The following GPR158 variants were observed in gnomAD, a reference collection of about 807,000 sequenced individuals.
The protein encoded by GPR158 is metabotropic glycine receptor.
GPR158 carries 30 observed loss-of-function variants against 78.2 expected under a neutral mutation model. That is an observed-to-expected ratio of 0.38 (90% CI 0.29 to 0.52). The LOEUF (loss-of-function observed/expected upper bound fraction) is 0.52, where lower values mean the gene tolerates loss of function less well. Among genes scored for constraint, GPR158 ranks in the 20% least tolerant of loss-of-function variants. The pLI, the probability that GPR158 is intolerant of heterozygous loss-of-function variation, is 0.83. For missense variants in GPR158, 1,463 were observed against 1,523.5 expected, an observed-to-expected ratio of 0.96 and a Z score of 0.66; for synonymous variants, 581 against 591.1, an observed-to-expected ratio of 0.98 and a Z score of 0.25.
chr10:25,574,575 A>AAGAAC (rs1347726139), intron 7 of GPR158, among the ~76,000 whole-genome samples: 4 of 152,164 alleles, frequency 2.6e-5, no homozygotes, highest in African/African-American at 9.7e-5. Context: ...AAGAGGTGTA[A>AAGAAC]AGAACATTCA....
In GPR158 at chr10:25,374,154, T is replaced by G. The variant is rs547327537; in HGVS notation, c.1009-21757T>G. 7.2e-5 allele frequency among the ~76,000 whole-genome samples: 11 copies of G among 151,842 alleles called. No individual in the cohort carries two copies. The East Asian group carries it at 2.1e-3, about 29-fold the overall frequency. ...TTTGTTACTCATAAATGTGTCGTCG[T>G]GAAATGCCACTCTATTTCTTAGATT... On this transcript the variant is annotated intron_variant, in intron 2 of 10. Coordinates refer to ENST00000376351, the MANE Select transcript of GPR158 (RefSeq NM_020752.3).
At chr10:25,590,063 G>C (rs563370840) in intron 8 of GPR158, among the ~76,000 whole-genome samples, 1 of 152,246 alleles carries the variant, frequency 6.6e-6, no homozygotes, top group East Asian at 1.9e-4. Context: ...CTGGAGATCA[G>C]TGAGAATGGA....
intron 2 of GPR158, among the ~76,000 whole-genome samples, chr10:25,222,297 A>G (rs1853309873): frequency 6.6e-6 from 1 of 151,546 alleles, no homozygotes; most frequent in African/African-American, 2.4e-5. Context: ...CACTCTCCAC[A>G]GCATCCCTCA....
intron 4 of GPR158, among the ~76,000 whole-genome samples, chr10:25,420,728 TC>T (rs1233419458): frequency 6.6e-6 from 1 of 152,190 alleles, no homozygotes; most frequent in African/African-American, 2.4e-5. Flanking sequence ...CATAGTCCTT[TC>T]CCTGTAGAGT....
chr10:25,430,430 T>C (rs1318510421), intron 4 of GPR158, among the ~76,000 whole-genome samples: 2 of 150,506 alleles, frequency 1.3e-5, no homozygotes, highest in Non-Finnish European at 1.5e-5. Flanking sequence ...AAAATGGCCA[T>C]ACTTCCCAAG....
intron 9 of GPR158, 99 bp from the exon 10 acceptor site, chr10:25,596,542 GAT>G: frequency 6.6e-6 from 5 of 751,894 alleles, no homozygotes; most frequent in Non-Finnish European, 1.1e-5. Context: ...TCTAGGTATA[GAT>G]ATAGATACCT....
At chr10:25,540,951 T>A (rs11014596) in intron 5 of GPR158, among the ~76,000 whole-genome samples, 48 of 43,238 alleles carry the variant, frequency 1.1e-3, no homozygotes, top group African/African-American at 4.0e-3. Context: ...TAAAAATATA[T>A]ATATATATAT....
chr10:25,186,778 G>A (rs1256354018), intron 1 of GPR158, among the ~76,000 whole-genome samples: 3 of 151,840 alleles, frequency 2.0e-5, no homozygotes, highest in African/African-American at 4.9e-5. Context: ...ATTCACAGCC[G>A]AATTCTACCA....
chr10:25,477,194 T>C (rs953106811), intron 5 of GPR158, among the ~76,000 whole-genome samples: 9 of 152,108 alleles, frequency 5.9e-5, no homozygotes, highest in South Asian at 2.1e-4. Context: ...ACAAGAGAAT[T>C]TGATCCCATG....
At chr10:25,564,741 T>C (rs1312148162) in intron 6 of GPR158, among the ~76,000 whole-genome samples, 1 of 152,190 alleles carries the variant, frequency 6.6e-6, no homozygotes, top group African/African-American at 2.4e-5. Flanking sequence ...TGCATAGCTT[T>C]TTTACTCAGA....
chr10:25,291,971 T>C (rs1854443516), intron 2 of GPR158, among the ~76,000 whole-genome samples: 1 of 152,142 alleles, frequency 6.6e-6, no homozygotes, highest in South Asian at 2.1e-4. Context: ...GGAAACTTAC[T>C]GTAGTCACGG....
intron 3 of GPR158, among the ~76,000 whole-genome samples, chr10:25,401,579 A>T (rs572873693): frequency 6.6e-6 from 1 of 152,158 alleles, no homozygotes; most frequent in Admixed American, 6.6e-5. Flanking sequence ...CTGAAATACT[A>T]ATTTATTAGA....
At chr10:25,296,535 T>G (rs1231585326) in intron 2 of GPR158, among the ~76,000 whole-genome samples, 4 of 152,296 alleles carry the variant, frequency 2.6e-5, no homozygotes, top group Admixed American at 1.3e-4. Flanking sequence ...TGATCTTTCC[T>G]TGTCCAAGAT....
At chr10:25,363,630 C>A (rs953845849) in intron 2 of GPR158, among the ~76,000 whole-genome samples, 6 of 151,848 alleles carry the variant, frequency 4.0e-5, no homozygotes, top group African/African-American at 1.4e-4. Flanking sequence ...TTAGATCTTA[C>A]AATGAGGTGA....
intron 2 of GPR158, among the ~76,000 whole-genome samples, chr10:25,320,303 T>C (rs749645634): frequency 2.4e-4 from 36 of 152,318 alleles, no homozygotes; most frequent in South Asian, 1.7e-3. Flanking sequence ...TCGGTGCTTC[T>C]TGTGACTCAG....
chr10:25,515,375 T>C (rs1439930093), intron 5 of GPR158, among the ~76,000 whole-genome samples: 2 of 148,324 alleles, frequency 1.3e-5, no homozygotes, highest in Non-Finnish European at 3.0e-5. Context: ...ATCTATTTCT[T>C]TTTTTTTTTA....
intron 2 of GPR158, among the ~76,000 whole-genome samples, chr10:25,390,384 T>TA (rs1162424389): frequency 6.6e-6 from 1 of 152,198 alleles, no homozygotes; most frequent in Admixed American, 6.5e-5. Flanking sequence ...AAAATGCTGA[T>TA]AGTGATATAG....
chr10:25,391,994 A>G (rs938671875), intron 2 of GPR158, among the ~76,000 whole-genome samples: 1 of 152,092 alleles, frequency 6.6e-6, no homozygotes, highest in South Asian at 2.1e-4. Context: ...TATAAAGGGC[A>G]GTTCTCCTGC....
At chr10:25,565,762 G>A (rs989571477) in intron 6 of GPR158, among the ~76,000 whole-genome samples, 2 of 152,164 alleles carry the variant, frequency 1.3e-5, no homozygotes, top group African/African-American at 4.8e-5. Flanking sequence ...AACGCTTAAG[G>A]TTCTTGCCTA....
Sources: allele counts gnomAD v4.1 joint callset (sites outside exome capture counted in the v4.1 genomes callset), GRCh38; gene constraint gnomAD v4.1.1; transcripts MANE v1.5; gene names NCBI Gene and HGNC (gene_info 2026-07-23, HGNC 2026-07-21).